WTIP: variants seen among roughly 807,000 people sequenced by gnomAD.
The protein encoded by WTIP is Wilms tumor protein 1-interacting protein.
WTIP carries 23 observed loss-of-function variants against 41.7 expected under a neutral mutation model. That is an observed-to-expected ratio of 0.55 (90% CI 0.40 to 0.78). The LOEUF (loss-of-function observed/expected upper bound fraction) is 0.78. WTIP is among the 30% of genes least tolerant of loss of function. The pLI, the probability that WTIP is intolerant of heterozygous loss-of-function variation, is 0.00. For missense variants in WTIP, 619 were observed against 610.5 expected (o/e 1.01, Z -0.15); for synonymous variants, 314 against 269.9 (o/e 1.16, Z -1.60).
chr19:34,506,270 C>G lies in WTIP; in HGVS notation c.*6001C>G, dbSNP rs2075910932. The G allele has an allele frequency of 6.6e-6, 1 of 152,194 alleles. No individual in the cohort carries two copies. Among genetic ancestry groups the G allele is most frequent in the Non-Finnish European group, 1.5e-5 (1 of 68,040 alleles). 9.4% of individuals were successfully genotyped at this position (152,194 alleles called of 1,614,324 possible). On this transcript the variant is annotated 3_prime_UTR_variant, in exon 8 of 8. Transcript: ENST00000590071. Reference sequence around the variant, plus strand: ...CTCTGTCCCTGAACAGCCCTTGTGACTATGGGGCTGTCCTTCCACAGTGTG... The same window carrying G: ...CTCTGTCCCTGAACAGCCCTTGTGAGTATGGGGCTGTCCTTCCACAGTGTG...
chr19:34,482,672 G>C (rs1277347973), intron 1 of WTIP, 31 bp downstream of exon 1: 2 of 1,224,484 alleles, frequency 1.6e-6, no homozygotes, highest in Non-Finnish European at 1.0e-6. Context: ...AGTTCCCTGC[G>C]CGCATGGCTG....
chr19:34,497,352 G>T (rs1307785075), intron 7 of WTIP, among the ~76,000 whole-genome samples: 4 of 152,152 alleles, frequency 2.6e-5, no homozygotes, highest in Admixed American at 6.5e-5. Context: ...GTTGTCCGGG[G>T]TCTGAGAGTC....
Position 34,482,549 on chromosome 19 carries a change from A to T in WTIP, c.575A>T (p.Glu192Val). The T allele has an allele frequency of 8.1e-7, 1 of 1,229,044 alleles. No individual in the cohort carries two copies. The highest frequency in any genetic ancestry group is 1.0e-6 in the Non-Finnish European group (1 of 987,262). The allele number at this position is 1,229,044 out of a possible 1,614,324, so 76.1% of individuals were successfully genotyped here. The part of the protein sequence containing the change: ...LPALPLPPGR[E>V]GGPSAAERRL... The stretch of plus-strand genomic sequence containing the variant: ...GCACTCCCGCTGCCCCCTGGCCGGG[A>T]GGGCGGCCCAAGCGCGGCCGAGCGG... The change falls in exon 1 of 8, where the codon GAG becomes GTG. Residue 192 changes from glutamate to valine, a missense_variant. Physicochemically the swap from Glu to Val is moderately radical, Grantham distance 121. Coordinates refer to ENST00000590071, the MANE Select transcript of WTIP (RefSeq NM_001080436.2).
rs1192789302 is a variant in WTIP, at chr19:34,482,050, G to A, written c.76G>A (p.Gly26Arg). The part of the protein sequence containing the change: ...AGLALRELEP[G>R]CGSPGRGRRG... ...GCTGGCCCTGCGGGAGCTGGAGCCC[G>A]GGTGCGGCTCTCCCGGTCGGGGGCG... Residue 26 changes from glycine (G) to arginine (R), a missense_variant, in exon 1 of 8, where the codon GGG (glycine) becomes AGG (arginine). Around this residue, in one of 3 missense-constraint regions of WTIP, gnomAD observed 363 missense variants for 309.0 expected, o/e 1.17. Transcript: ENST00000590071. 2 of 1,033,340 alleles carry A rather than the reference G, an allele frequency of 1.9e-6. No homozygotes were observed. Among genetic ancestry groups the A allele is most frequent in the Non-Finnish European group, 2.3e-6 (2 of 862,284 alleles). The allele number at this position is 1,033,340 out of a possible 1,614,324, so 64.0% of individuals were successfully genotyped here. A position where few individuals can be genotyped will look rare whatever the true frequency, so the allele number is the denominator to read the frequency against.
At chr19:34,491,489 A>G (rs1441509572) in intron 2 of WTIP, among the ~76,000 whole-genome samples, 3 of 150,784 alleles carry the variant, frequency 2.0e-5, no homozygotes, top group Non-Finnish European at 3.0e-5. Context: ...ACTCCCAGCT[A>G]ATTTTTGTAT....
At chr19:34,497,734 G>A (rs763247436) in intron 7 of WTIP, among the ~76,000 whole-genome samples, 32 of 152,168 alleles carry the variant, frequency 2.1e-4, no homozygotes, top group African/African-American at 5.3e-4. Context: ...GGGTGCAGGC[G>A]AGTGGCCCCA....
At chr19:34,486,720 C>G (rs1233407169) in intron 1 of WTIP, among the ~76,000 whole-genome samples, 2 of 151,980 alleles carry the variant, frequency 1.3e-5, no homozygotes, top group African/African-American at 4.8e-5. Context: ...CTCCTGGGAC[C>G]CCTACCTTTG....
At chr19:34,486,891 C>T (rs553457158) in intron 1 of WTIP, among the ~76,000 whole-genome samples, 7 of 151,644 alleles carry the variant, frequency 4.6e-5, no homozygotes, top group Non-Finnish European at 1.0e-4. Flanking sequence ...CCTGCACCTT[C>T]AGTTCTCCTC....
At chr19:34,485,929 T>TC (rs779637878) in intron 1 of WTIP, among the ~76,000 whole-genome samples, 62 of 152,172 alleles carry the variant, frequency 4.1e-4, no homozygotes, top group Non-Finnish European at 8.1e-4. Context: ...CCTCATCTCT[T>TC]CCTGTCCTTG....
At chr19:34,494,451 C>A in intron 5 of WTIP, 135 bp from the exon 6 acceptor site, 1 of 796,938 alleles carries the variant, frequency 1.3e-6, no homozygotes, top group Non-Finnish European at 2.1e-6. Context: ...TCCCTGTCTG[C>A]CCCGAGGTGT....
At chr19:34,492,903 A>G in intron 2 of WTIP, 134 bp from the exon 3 acceptor site, 1 of 765,554 alleles carries the variant, frequency 1.3e-6, no homozygotes, top group South Asian at 1.7e-5. Flanking sequence ...ACAACATAAT[A>G]TTAAAGGGAA....
intron 2 of WTIP, among the ~76,000 whole-genome samples, chr19:34,491,753 G>C (rs1421177381): frequency 2.7e-5 from 4 of 148,334 alleles, no homozygotes; most frequent in Non-Finnish European, 6.0e-5. Flanking sequence ...CAAGTGATTC[G>C]CCTGCCTCAG....
intron 7 of WTIP, 126 bp from the exon 8 acceptor site, chr19:34,499,982 TGAGCCCCTGCGCCCGGCGGAA>T (rs2075875666): frequency 8.3e-7 from 1 of 1,199,616 alleles, no homozygotes; most frequent in Admixed American, 2.6e-5. Flanking sequence ...ATTACAGGTG[TGAGCCCCTGCGCCCGGCGGAA>T]GAGTCTTCAT....
chr19:34,496,562 G>A (rs1394608694), intron 7 of WTIP, among the ~76,000 whole-genome samples: 1 of 152,090 alleles, frequency 6.6e-6, no homozygotes, highest in Non-Finnish European at 1.5e-5. Flanking sequence ...GGTGCTCCCT[G>A]AGCAGCTGGA....
In WTIP at chr19:34,506,974, C is replaced by T. The variant is rs2145618503; in HGVS notation, c.*6705C>T. 1 of 152,102 alleles carries T rather than the reference C, an allele frequency of 6.6e-6. No homozygotes were observed. Among genetic ancestry groups the T allele is most frequent in the African/African-American group, 2.4e-5 (1 of 41,510 alleles). 9.4% of individuals were successfully genotyped at this position (152,102 alleles called of 1,614,324 possible). A position where few individuals can be genotyped will look rare whatever the true frequency, so the allele number is the denominator to read the frequency against. On this transcript the variant is annotated 3_prime_UTR_variant, in exon 8 of 8. Transcript: ENST00000590071. The stretch of plus-strand genomic sequence containing the variant: ...CGGTGGCTCACGCCTGTAATCCCAG[C>T]ACTTTGGGAGGCCGAGGTGGGCGGA...
At chr19:34,498,007 G>T (rs1039706183) in intron 7 of WTIP, among the ~76,000 whole-genome samples, 1 of 152,138 alleles carries the variant, frequency 6.6e-6, no homozygotes, top group Non-Finnish European at 1.5e-5. Context: ...TGATACCTCC[G>T]GGACCCCGCA....
intron 2 of WTIP, 50 bp from the exon 3 acceptor site, chr19:34,492,987 T>C (rs2075833229): frequency 6.2e-7 from 1 of 1,601,352 alleles, no homozygotes; most frequent in Admixed American, 1.7e-5. Context: ...CACGGCTCCA[T>C]CCCTGGTCCC....
chr19:34,501,357 C>T lies in WTIP; in HGVS notation c.*1088C>T, dbSNP rs1417935483. ...CAGACTTTAGGGTAGTGTGGGGTTC[C>T]GTGTGTGTCCGGGTGTTAAGGGCGG... On this transcript the variant is annotated 3_prime_UTR_variant, in exon 8 of 8. Coordinates refer to ENST00000590071, the MANE Select transcript of WTIP (RefSeq NM_001080436.2). 2.0e-5 allele frequency: 3 copies of T among 152,208 alleles called. No homozygotes were observed. The highest frequency in any genetic ancestry group is 4.4e-5 in the Non-Finnish European group (3 of 68,052). 9.4% of individuals were successfully genotyped at this position (152,208 alleles called of 1,614,324 possible). A position where few individuals can be genotyped will look rare whatever the true frequency, so the allele number is the denominator to read the frequency against.
chr19:34,482,464 G>T lies in WTIP; in HGVS notation c.490G>T (p.Ala164Ser). The T allele has an allele frequency of 7.9e-7, 1 of 1,262,534 alleles. No homozygotes were observed. Among genetic ancestry groups the T allele is most frequent in the Non-Finnish European group, 9.9e-7 (1 of 1,007,470 alleles). The allele number at this position is 1,262,534 out of a possible 1,614,324, so 78.2% of individuals were successfully genotyped here. Residue 164 changes from alanine to serine, a missense_variant, in exon 1 of 8, where the codon GCC becomes TCC. By Grantham distance (99) the Ala-to-Ser change is moderately conservative (BLOSUM62 1). Coordinates refer to ENST00000590071, the MANE Select transcript of WTIP (RefSeq NM_001080436.2). ...GAYADFLPPGACPAPARSPEP... is the reference protein window; with the variant it reads ...GAYADFLPPGSCPAPARSPEP... Reference sequence around the variant, plus strand: ...CTACGCTGACTTCCTCCCGCCCGGCGCCTGCCCCGCGCCCGCTCGCTCCCC... The same window carrying T: ...CTACGCTGACTTCCTCCCGCCCGGCTCCTGCCCCGCGCCCGCTCGCTCCCC...
Sources: gnomAD v4.1 joint callset for allele counts (sites outside exome capture counted in the v4.1 genomes callset) on GRCh38, gnomAD v4.1.1 for gene constraint, gnomAD v4.1.1 regional missense constraint, MANE v1.5 for transcripts, NCBI Gene and HGNC (gene_info 2026-07-23, HGNC 2026-07-21) for gene names.